The following TRABD2B variants were observed in gnomAD, a reference collection of about 807,000 sequenced individuals.
TRABD2B encodes the protein metalloprotease TIKI2.
A neutral mutation model predicts 40.1 loss-of-function variants in TRABD2B; 14 were observed. The observed-to-expected ratio is 0.35, with a 90% confidence interval of 0.23 to 0.55. TRABD2B has a LOEUF of 0.55. TRABD2B is among the 20% of genes least tolerant of loss of function. TRABD2B has a pLI of 0.90. For missense variants in TRABD2B, 541 were observed against 648.6 expected (o/e 0.83, Z 1.80); for synonymous variants, 263 against 277.0 (o/e 0.95, Z 0.50).
rs544058281 is a variant in TRABD2B, at chr1:47,846,031, G to T, written c.667-44412C>A. Among the ~76,000 whole-genome samples the T allele has an allele frequency of 1.4e-4, 22 of 152,276 alleles. No homozygotes were observed. In the Middle Eastern group the frequency reaches 0.014, roughly 94 times the overall value. On this transcript the variant is annotated intron_variant, in intron 2 of 6. Transcript: ENST00000606738. ...CTCTATCTTCATAAATTTGCAAAGG[G>T]GGTCTGCGTGAGTAGCCAGGCTTAA...
intron 2 of TRABD2B, chr1:47,818,914 G>A (rs1288249384): frequency 1.1e-4 from 17 of 152,266 alleles, no homozygotes; most frequent in Admixed American, 1.1e-3. Context: ...GCATTCTGTG[G>A]CGTCTGGCCA....
intron 2 of TRABD2B, among the ~76,000 whole-genome samples, chr1:47,967,275 T>G (rs2148416651): frequency 6.6e-6 from 1 of 151,866 alleles, no homozygotes; most frequent in South Asian, 2.1e-4. Context: ...CTTCAGAAAT[T>G]GAATTAGCTG....
chr1:47,803,118 A>T (rs1644845131), intron 2 of TRABD2B, among the ~76,000 whole-genome samples: 2 of 151,884 alleles, frequency 1.3e-5, no homozygotes, highest in African/African-American at 4.8e-5. Flanking sequence ...AGCTGTCCAG[A>T]CTCTCCTCGG....
chr1:47,970,203 A>T (rs539994371), intron 2 of TRABD2B, among the ~76,000 whole-genome samples: 1 of 152,000 alleles, frequency 6.6e-6, no homozygotes, highest in Non-Finnish European at 1.5e-5. Flanking sequence ...AATATGAATA[A>T]ATATGGAGTA....
intron 2 of TRABD2B, among the ~76,000 whole-genome samples, chr1:47,934,981 G>A (rs1645087624): frequency 6.6e-6 from 1 of 152,152 alleles, no homozygotes; most frequent in African/African-American, 2.4e-5. Flanking sequence ...GTCCAACCCT[G>A]CTAATGCCCT....
intron 2 of TRABD2B, among the ~76,000 whole-genome samples, chr1:47,847,872 C>T (rs1369521553): frequency 6.6e-6 from 1 of 152,208 alleles, no homozygotes; most frequent in African/African-American, 2.4e-5. Context: ...TTGATAGCGC[C>T]TCATTACAGC....
intron 2 of TRABD2B, among the ~76,000 whole-genome samples, chr1:47,834,577 GCGCACACA>G (rs1327474952): frequency 3.5e-5 from 5 of 142,376 alleles, no homozygotes; most frequent in South Asian, 2.2e-4. Context: ...ACACACACAC[GCGCACACA>G]CACACACACA....
intron 2 of TRABD2B, among the ~76,000 whole-genome samples, chr1:47,910,754 T>C (rs1337300165): frequency 6.6e-6 from 1 of 152,240 alleles, no homozygotes; most frequent in Non-Finnish European, 1.5e-5. Context: ...TATCCTCATA[T>C]GGCATAGATT....
chr1:47,929,075 C>T (rs1162184386), intron 2 of TRABD2B, among the ~76,000 whole-genome samples: 3 of 152,242 alleles, frequency 2.0e-5, no homozygotes, highest in Non-Finnish European at 2.9e-5. Flanking sequence ...ATACTCTTCT[C>T]GTAAAGCCCC....
At chr1:47,863,395 A>ATATATATATATATATATAG (rs1553159688) in intron 2 of TRABD2B, among the ~76,000 whole-genome samples, 1 of 31,992 alleles carries the variant, frequency 3.1e-5, no homozygotes, top group Non-Finnish European at 7.5e-5. Flanking sequence ...TATATATATA[A>ATATATATATATATATATAG]TCTCTTAAAA....
At chr1:47,965,236 T>C (rs1415154152) in intron 2 of TRABD2B, among the ~76,000 whole-genome samples, 1 of 3,266 alleles carries the variant, frequency 3.1e-4, no homozygotes, top group Non-Finnish European at 5.8e-4. Context: ...GGGGGGTGGA[T>C]GGGGAGGTGG....
At chr1:47,874,560 C>A (rs1644195322) in intron 2 of TRABD2B, among the ~76,000 whole-genome samples, 2 of 129,542 alleles carry the variant, frequency 1.5e-5, no homozygotes, top group African/African-American at 2.9e-5. Context: ...GCGTGAGCCA[C>A]CGCGCCCGGC....
chr1:47,851,437 T>A (rs1458281575), intron 2 of TRABD2B, among the ~76,000 whole-genome samples: 1 of 151,904 alleles, frequency 6.6e-6, no homozygotes, highest in African/African-American at 2.4e-5. Flanking sequence ...TGCGGGGTGG[T>A]GTGTGTAGTC....
chr1:47,956,756 C>T (rs1234206780), intron 2 of TRABD2B, among the ~76,000 whole-genome samples: 1 of 152,260 alleles, frequency 6.6e-6, no homozygotes, highest in Non-Finnish European at 1.5e-5. Flanking sequence ...GCCTGCCTGC[C>T]TCTGTAGACT....
At chr1:47,880,720 G>C (rs1291685996) in intron 2 of TRABD2B, among the ~76,000 whole-genome samples, 2 of 152,182 alleles carry the variant, frequency 1.3e-5, no homozygotes, top group Non-Finnish European at 2.9e-5. Context: ...GCTTCCTCTG[G>C]CACTGTCTGA....
chr1:47,792,986 G>A (rs1644696104), intron 4 of TRABD2B, among the ~76,000 whole-genome samples: 1 of 152,034 alleles, frequency 6.6e-6, no homozygotes, highest in Non-Finnish European at 1.5e-5. Flanking sequence ...GTGAGGGAGT[G>A]GGAGGGGACT....
intron 2 of TRABD2B, among the ~76,000 whole-genome samples, chr1:47,914,635 C>A (rs994877680): frequency 4.6e-5 from 7 of 152,176 alleles, no homozygotes; most frequent in African/African-American, 7.2e-5. Flanking sequence ...TACGCCAGCG[C>A]CCACTGTGCC....
rs150259366 is a variant in TRABD2B at position 47,905,847 on chromosome 1, G to A, written c.666+88187C>T. On this transcript the variant is annotated intron_variant, in intron 2 of 6. Coordinates refer to ENST00000606738, the MANE Select transcript of TRABD2B (RefSeq NM_001194986.2). ...ATACTGAACCAGCTGCAGAGAGAGC[G>A]AGAAGTGGAAGGCAAGGTTTTAATT... Among the ~76,000 whole-genome samples, 359 of 152,278 alleles carry A rather than the reference G, an allele frequency of 2.4e-3. 2 individuals are homozygous for A. Among genetic ancestry groups the A allele is most frequent in the African/African-American group, 8.3e-3 (346 of 41,550 alleles).
intron 2 of TRABD2B, among the ~76,000 whole-genome samples, chr1:47,824,488 A>G (rs10890503): frequency 0.96 from 146,398 of 152,268 alleles, 70,651 homozygotes; most frequent in East Asian, 1. Context: ...GGGTTAACAC[A>G]CCCACTTCAC....
Sources: allele counts gnomAD v4.1 joint callset (sites outside exome capture counted in the v4.1 genomes callset), GRCh38; gene constraint gnomAD v4.1.1; transcripts MANE v1.5; gene names NCBI Gene and HGNC (gene_info 2026-07-23, HGNC 2026-07-21).